Variants in TENM3 observed in about 807,000 individuals in gnomAD.
The protein encoded by TENM3 is teneurin-3.
Under a neutral mutation model 255.1 loss-of-function variants are expected in TENM3, and 63 were observed. The ratio of observed to expected loss-of-function variants is 0.25; its 90% CI spans 0.20 to 0.30. The LOEUF is 0.30. Ranked by LOEUF, TENM3 falls within the 10% of genes least tolerant of loss-of-function variation. The pLI is 1.00. For missense variants in TENM3, 2,929 were observed against 3,461.1 expected, an observed-to-expected ratio of 0.85 and a Z score of 3.86; for synonymous variants, 1,306 against 1,322.3, an observed-to-expected ratio of 0.99 and a Z score of 0.27.
chr4:182,167,103 T>G lies in TENM3; in HGVS notation c.-76+22349T>G, dbSNP rs1347153954. Among the ~76,000 whole-genome samples, 5 of 152,322 alleles carry G rather than the reference T, an allele frequency of 3.3e-5. No homozygotes were observed. In the East Asian group the frequency reaches 9.6e-4, roughly 29 times the overall value. ...TTAAGTGTACTTCAAGTGCAGTATT[T>G]ATGTAAAACCACTAAGATAAGATCT... On this transcript the variant is annotated intron_variant, in intron 1 of 2. Transcript: ENST00000512480.
At chr4:182,445,028 C>T (rs1317634096) in intron 3 of TENM3, among the ~76,000 whole-genome samples, 2 of 152,094 alleles carry the variant, frequency 1.3e-5, no homozygotes, top group African/African-American at 4.8e-5. Context: ...AGGCTGGTCT[C>T]GAACTCCTGA....
the TENM3 span, among the ~76,000 whole-genome samples, chr4:182,059,745 C>CAAAAAAAAA: frequency 4.6e-5 from 2 of 43,162 alleles, no homozygotes; most frequent in Non-Finnish European, 4.4e-5. Flanking sequence ...TCTGTCTCTA[C>CAAAAAAAAA]AAAAAAAAAA....
intron 3 of TENM3, among the ~76,000 whole-genome samples, chr4:182,476,163 G>A (rs1233919895): frequency 6.6e-6 from 1 of 152,136 alleles, no homozygotes; most frequent in African/African-American, 2.4e-5. Context: ...TCTAATAGCT[G>A]AAACTCCCCA....
the TENM3 span, among the ~76,000 whole-genome samples, chr4:181,966,147 G>A: frequency 7.2e-5 from 11 of 152,266 alleles, no homozygotes; most frequent in East Asian, 5.8e-4. Flanking sequence ...TTTGACACCC[G>A]ATGAAGCCAC....
the TENM3 span, among the ~76,000 whole-genome samples, chr4:182,097,714 A>G: frequency 1.3e-5 from 2 of 152,208 alleles, no homozygotes; most frequent in East Asian, 3.8e-4. Flanking sequence ...AATTATCATC[A>G]TCATCACAGT....
intron 3 of TENM3, among the ~76,000 whole-genome samples, chr4:182,512,998 T>G (rs1737574506): frequency 2.0e-5 from 3 of 152,230 alleles, no homozygotes; most frequent in Non-Finnish European, 2.9e-5. Flanking sequence ...AGAAAACGTT[T>G]TGGCATTTTG....
At chr4:182,561,264 T>G (rs1245575533) in intron 3 of TENM3, among the ~76,000 whole-genome samples, 7 of 151,692 alleles carry the variant, frequency 4.6e-5, no homozygotes, top group Non-Finnish European at 1.0e-4. Context: ...AAATTTAAAA[T>G]TATAAATATA....
the TENM3 span, among the ~76,000 whole-genome samples, chr4:182,024,642 A>T: frequency 2.6e-5 from 4 of 152,186 alleles, no homozygotes; most frequent in African/African-American, 9.6e-5. Flanking sequence ...TGATCGTCAC[A>T]TCAAAATGGG....
At chr4:182,666,846 G>T (rs925760168) in intron 6 of TENM3, among the ~76,000 whole-genome samples, 1 of 152,028 alleles carries the variant, frequency 6.6e-6, no homozygotes, top group Non-Finnish European at 1.5e-5. Context: ...GCTGCAGTGA[G>T]CCGAGATTGG....
intron 3 of TENM3, among the ~76,000 whole-genome samples, chr4:182,488,457 A>G (rs532373537): frequency 7.1e-6 from 1 of 141,152 alleles, no homozygotes; most frequent in South Asian, 2.3e-4. Context: ...TAAGTTATCT[A>G]TATAATTTTG....
the TENM3 span, among the ~76,000 whole-genome samples, chr4:181,925,710 C>G: frequency 6.6e-6 from 1 of 152,272 alleles, no homozygotes. Flanking sequence ...CTTGGTAGAA[C>G]TCTGGTCAAC....
At chr4:182,156,649 A>G (rs574870824) in intron 1 of TENM3, among the ~76,000 whole-genome samples, 1 of 151,644 alleles carries the variant, frequency 6.6e-6, no homozygotes, top group South Asian at 2.1e-4. Flanking sequence ...AGAGAAACGT[A>G]TTAAACCCTT....
the TENM3 span, among the ~76,000 whole-genome samples, chr4:182,072,674 G>C: frequency 2.0e-5 from 3 of 152,140 alleles, no homozygotes; most frequent in African/African-American, 7.2e-5. Context: ...CATGAGGCCT[G>C]AACAGCTTCT....
intron 1 of TENM3, among the ~76,000 whole-genome samples, chr4:182,220,235 G>T (rs1447221631): frequency 6.6e-6 from 1 of 151,940 alleles, no homozygotes; most frequent in African/African-American, 2.4e-5. Flanking sequence ...AAATTAGTCG[G>T]GCATGGTGGC....
At chr4:182,381,913 A>G (rs1767600298) in intron 3 of TENM3, among the ~76,000 whole-genome samples, 1 of 152,224 alleles carries the variant, frequency 6.6e-6, no homozygotes, top group South Asian at 2.1e-4. Flanking sequence ...CAAAGGGAAG[A>G]AATCGTCTTG....
intron 1 of TENM3, among the ~76,000 whole-genome samples, chr4:182,285,871 C>G (rs895038159): frequency 4.6e-5 from 7 of 152,064 alleles, no homozygotes; most frequent in South Asian, 2.1e-4. Flanking sequence ...AAAAAATAAG[C>G]CTTTAAACAA....
chr4:182,244,810 A>G (rs185753636), intron 1 of TENM3, among the ~76,000 whole-genome samples: 4 of 152,244 alleles, frequency 2.6e-5, no homozygotes, highest in Non-Finnish European at 4.4e-5. Context: ...GAGTTTGCAA[A>G]TATCACTTTA....
At chr4:182,490,927 G>A (rs1414958315) in intron 3 of TENM3, among the ~76,000 whole-genome samples, 1 of 152,134 alleles carries the variant, frequency 6.6e-6, no homozygotes, top group Non-Finnish European at 1.5e-5. Flanking sequence ...CCAGGATAGG[G>A]CACATAGTAG....
the TENM3 span, among the ~76,000 whole-genome samples, chr4:182,063,301 A>G: frequency 6.6e-6 from 1 of 152,224 alleles, no homozygotes; most frequent in Non-Finnish European, 1.5e-5. Context: ...TATGCTGACT[A>G]CTTCTGTAAA....
Sources: gnomAD v4.1 joint callset for allele counts (sites outside exome capture counted in the v4.1 genomes callset) on GRCh38, gnomAD v4.1.1 for gene constraint, MANE v1.5 for transcripts, NCBI Gene and HGNC (gene_info 2026-07-23, HGNC 2026-07-21) for gene names.